Variants in TBPL1 observed in about 807,000 individuals in gnomAD.
TBPL1 encodes the protein TATA box-binding protein-like 1.
In TBPL1, 4 loss-of-function variants were observed where a neutral mutation model predicts 22.1. The ratio of observed to expected loss-of-function variants is 0.18; its 90% CI spans 0.09 to 0.41. The LOEUF is 0.41. TBPL1 is among the 10% of genes least tolerant of loss of function. TBPL1 has a pLI of 1.00. For missense variants in TBPL1, 115 were observed against 222.3 expected, an observed-to-expected ratio of 0.52 and a Z score of 3.07; for synonymous variants, 64 against 71.0, an observed-to-expected ratio of 0.90 and a Z score of 0.50.
At chr6:133,960,503 G>A (rs77088924) in intron 1 of TBPL1, among the ~76,000 whole-genome samples, 3,350 of 150,690 alleles carry the variant, frequency 0.022, 55 homozygotes, top group Non-Finnish European at 0.034. Flanking sequence ...ACTTCAGTGC[G>A]CAGTACAAAA....
At chr6:133,956,030 A>G (rs539666947) in intron 1 of TBPL1, among the ~76,000 whole-genome samples, 3 of 152,064 alleles carry the variant, frequency 2.0e-5, no homozygotes, top group Non-Finnish European at 2.9e-5. Flanking sequence ...CACATTATTT[A>G]AAAAAATCAG....
At chr6:133,957,522 A>G (rs781429593) in intron 1 of TBPL1, among the ~76,000 whole-genome samples, 23 of 152,246 alleles carry the variant, frequency 1.5e-4, no homozygotes, top group Non-Finnish European at 2.8e-4. Flanking sequence ...AAATGGTTCC[A>G]AAGAATCAGG....
At chr6:133,960,780 C>T (rs1376425392) in intron 1 of TBPL1, among the ~76,000 whole-genome samples, 2 of 151,960 alleles carry the variant, frequency 1.3e-5, no homozygotes, top group African/African-American at 4.8e-5. Flanking sequence ...CTCTGATGAC[C>T]GGCTATAGTG....
intron 1 of TBPL1, among the ~76,000 whole-genome samples, chr6:133,963,914 G>A (rs549381448): frequency 1.3e-4 from 19 of 151,804 alleles, no homozygotes; most frequent in Admixed American, 4.6e-4. Context: ...GGTGGCGGGC[G>A]CCTGTAGTCG....
At chr6:133,955,851 C>T (rs930858438) in intron 1 of TBPL1, among the ~76,000 whole-genome samples, 1 of 152,286 alleles carries the variant, frequency 6.6e-6, no homozygotes, top group South Asian at 2.1e-4. Context: ...TTTGAGGGAA[C>T]TACTTATAGT....
intron 1 of TBPL1, among the ~76,000 whole-genome samples, chr6:133,972,976 G>C (rs1335774883): frequency 1.3e-5 from 2 of 152,126 alleles, no homozygotes; most frequent in African/African-American, 4.8e-5. Context: ...AGCTAAATGG[G>C]AACACTAGGT....
chr6:133,958,979 G>C (rs1775972555), intron 1 of TBPL1, among the ~76,000 whole-genome samples: 1 of 152,036 alleles, frequency 6.6e-6, no homozygotes, highest in Admixed American at 6.6e-5. Flanking sequence ...CATGACTGTT[G>C]CACCAAATAG....
intron 2 of TBPL1, among the ~76,000 whole-genome samples, chr6:133,980,478 A>C (rs1776389478): frequency 6.6e-6 from 1 of 152,164 alleles, no homozygotes; most frequent in African/African-American, 2.4e-5. Context: ...CAAAGAACTC[A>C]TTGGTTACAG....
rs78601981 is a variant in TBPL1, at chr6:133,984,716, T to C, written c.481+45T>C. ...CCACACTTATCAATTATGGATTGAA[T>C]GATACAAGATGCTCATACCAAGATA... On this transcript the variant is annotated intron_variant, in intron 6 of 6. Coordinates refer to ENST00000237264, the MANE Select transcript of TBPL1 (RefSeq NM_004865.4). 11 of 1,443,954 alleles carry C rather than the reference T, an allele frequency of 7.6e-6. No homozygotes were observed. In the African/African-American group the frequency reaches 1.4e-4, roughly 18 times the overall value. The allele number at this position is 1,443,954 out of a possible 1,614,324, so 89.4% of individuals were successfully genotyped here.
intron 1 of TBPL1, among the ~76,000 whole-genome samples, chr6:133,966,539 T>A (rs567354874): frequency 1.3e-5 from 2 of 152,326 alleles, no homozygotes; most frequent in African/African-American, 2.4e-5. Context: ...GCAATGGACT[T>A]TTAGCTGATT....
At chr6:133,952,497 C>T (rs1775849593), upstream of TBPL1, 1 of 152,288 alleles carries the variant, frequency 6.6e-6, no homozygotes, top group South Asian at 2.1e-4. This position sits in a 1 kb window ranked among gnomAD's most constrained non-coding sequence, Gnocchi z 4.5. Flanking sequence ...ACAGAAGTGG[C>T]ATACGGTCCT....
chr6:133,956,014 A>T (rs1177470568), intron 1 of TBPL1, among the ~76,000 whole-genome samples: 1 of 152,204 alleles, frequency 6.6e-6, no homozygotes, highest in Non-Finnish European at 1.5e-5. Context: ...CTTCTCATGG[A>T]CATGGCACAT....
chr6:133,982,267 A>G (rs1175925107), intron 2 of TBPL1, among the ~76,000 whole-genome samples: 3 of 152,252 alleles, frequency 2.0e-5, no homozygotes, highest in African/African-American at 7.2e-5. Context: ...AGTTCCAGTT[A>G]TATGACTGGG....
At chr6:133,970,304 T>C (rs965905423) in intron 1 of TBPL1, among the ~76,000 whole-genome samples, 1 of 152,264 alleles carries the variant, frequency 6.6e-6, no homozygotes, top group Non-Finnish European at 1.5e-5. Flanking sequence ...TTGGAAATAA[T>C]ATCTTTAGTA....
chr6:133,981,007 C>T (rs1041777764), intron 2 of TBPL1, among the ~76,000 whole-genome samples: 46 of 140,172 alleles, frequency 3.3e-4, no homozygotes, highest in African/African-American at 6.8e-4. Context: ...CTCACTCTTC[C>T]GCCAGGCTGG....
intron 1 of TBPL1, among the ~76,000 whole-genome samples, chr6:133,970,557 G>A (rs529321337): frequency 6.6e-6 from 1 of 151,790 alleles, no homozygotes; most frequent in South Asian, 2.1e-4. Context: ...TGTGGAGAGA[G>A]TAGCATAATG....
chr6:133,977,955 C>G (rs1025431139), intron 1 of TBPL1, among the ~76,000 whole-genome samples: 1 of 152,208 alleles, frequency 6.6e-6, no homozygotes, highest in Non-Finnish European at 1.5e-5. Context: ...GTAGACTTCC[C>G]AGAGGATACA....
At chr6:133,959,299 C>T (rs774424590) in intron 1 of TBPL1, among the ~76,000 whole-genome samples, 50 of 152,124 alleles carry the variant, frequency 3.3e-4, no homozygotes, top group Admixed American at 4.6e-4. Flanking sequence ...CTCAGCCTCC[C>T]GGAGTGCTGG....
chr6:133,961,030 G>C (rs1056883188), intron 1 of TBPL1, among the ~76,000 whole-genome samples: 1 of 152,190 alleles, frequency 6.6e-6, no homozygotes, highest in African/African-American at 2.4e-5. Flanking sequence ...TTAGTAACTT[G>C]TTAGGTGTAG....
Sources: gnomAD v4.1 joint callset for allele counts (sites outside exome capture counted in the v4.1 genomes callset) on GRCh38, gnomAD v4.1.1 for gene constraint, Gnocchi (gnomAD v3.1) non-coding constraint, MANE v1.5 for transcripts, NCBI Gene and HGNC (gene_info 2026-07-23, HGNC 2026-07-21) for gene names.